Variants in ZMAT4 observed in about 807,000 individuals in gnomAD.
ZMAT4 encodes zinc finger matrin-type protein 4.
ZMAT4 carries 17 observed loss-of-function variants against 28.7 expected under a neutral mutation model. The observed-to-expected ratio is 0.59, with a 90% CI of 0.41 to 0.89. The LOEUF (loss-of-function observed/expected upper bound fraction) is 0.89. ZMAT4 is among the 40% of genes least tolerant of loss of function. ZMAT4 has a pLI of 0.00. For synonymous variants in ZMAT4, 117 were observed against 109.2 expected, an observed-to-expected ratio of 1.07 and a Z score of -0.44; for missense variants, 240 against 283.8, an observed-to-expected ratio of 0.85 and a Z score of 1.11.
intron 2 of ZMAT4, among the ~76,000 whole-genome samples, chr8:40,814,813 T>C (rs763855094): frequency 2.6e-5 from 4 of 151,330 alleles, no homozygotes; most frequent in Non-Finnish European, 5.9e-5. Context: ...AGTTTTTGAA[T>C]TGTGAATTTG....
intron 2 of ZMAT4, among the ~76,000 whole-genome samples, chr8:40,807,637 T>G (rs1452743591): frequency 6.6e-6 from 1 of 152,222 alleles, no homozygotes. Context: ...GGATTGCTTT[T>G]CTGAGCAAAC....
At chr8:40,729,793 T>C (rs1811461142) in intron 3 of ZMAT4, among the ~76,000 whole-genome samples, 1 of 152,128 alleles carries the variant, frequency 6.6e-6, no homozygotes, top group Admixed American at 6.5e-5. Flanking sequence ...GAGATGGAGT[T>C]TCACCACGTT....
chr8:40,824,749 A>G (rs907906589), intron 2 of ZMAT4, among the ~76,000 whole-genome samples: 5 of 151,244 alleles, frequency 3.3e-5, no homozygotes, highest in African/African-American at 1.2e-4. Flanking sequence ...GAAAGAAAAG[A>G]AAAAAAGAAA....
chr8:40,573,667 G>A (rs1400904450), intron 6 of ZMAT4, among the ~76,000 whole-genome samples: 1 of 152,138 alleles, frequency 6.6e-6, no homozygotes, highest in African/African-American at 2.4e-5. Context: ...CAAAGTGCTA[G>A]CTCCAATAAA....
At chr8:40,776,159 G>C (rs997704288) in intron 2 of ZMAT4, among the ~76,000 whole-genome samples, 1 of 152,130 alleles carries the variant, frequency 6.6e-6, no homozygotes, top group Non-Finnish European at 1.5e-5. Flanking sequence ...GTTCTCCTGG[G>C]GTCTTTCTTC....
chr8:40,732,990 C>T (rs1054225532), intron 3 of ZMAT4, among the ~76,000 whole-genome samples: 2 of 151,914 alleles, frequency 1.3e-5, no homozygotes, highest in East Asian at 1.9e-4. Flanking sequence ...GGTTGACAGG[C>T]ACAGGCCACC....
At chr8:40,641,656 G>C (rs2118765414) in intron 5 of ZMAT4, among the ~76,000 whole-genome samples, 1 of 152,216 alleles carries the variant, frequency 6.6e-6, no homozygotes, top group South Asian at 2.1e-4. Context: ...TCACCTCTGT[G>C]TTTCCTCTGC....
At chr8:40,704,267 C>T (rs910634203) in intron 3 of ZMAT4, among the ~76,000 whole-genome samples, 1 of 152,182 alleles carries the variant, frequency 6.6e-6, no homozygotes, top group African/African-American at 2.4e-5. Context: ...TTACTGGGAT[C>T]AGAAGGCCTG....
Position 40,881,503 on chromosome 8 carries a change from A to AAAGAAAG in ZMAT4, c.-5+16179_-5+16180insCTTTCTT, listed in dbSNP as rs1563263617. Among the ~76,000 whole-genome samples, 5 of 118,216 alleles carry AAAGAAAG rather than the reference A, an allele frequency of 4.2e-5. No homozygotes were observed. In the South Asian group the frequency reaches 1.6e-3, roughly 37 times the overall value. 77.6% of individuals were successfully genotyped at this position (118,216 alleles called of 152,430 possible). A position where few individuals can be genotyped will look rare whatever the true frequency, so the allele number is the denominator to read the frequency against. On this transcript the variant is annotated intron_variant, in intron 1 of 6. Transcript: ENST00000297737. The stretch of plus-strand genomic sequence containing the variant: ...AGAAAGAAAGAAAGAAAGAAAGAGG[A>AAAGAAAG]AGGAAGGAAGGGGAGAGAGAGAGAC...
chr8:40,537,082 C>T (rs1802871076), intron 6 of ZMAT4, among the ~76,000 whole-genome samples: 1 of 151,920 alleles, frequency 6.6e-6, no homozygotes, highest in South Asian at 2.1e-4. Flanking sequence ...TATTGGAAGC[C>T]TATGTAGTCT....
intron 2 of ZMAT4, among the ~76,000 whole-genome samples, chr8:40,775,672 T>C (rs1326076165): frequency 6.6e-6 from 1 of 152,236 alleles, no homozygotes; most frequent in Non-Finnish European, 1.5e-5. Flanking sequence ...TCCTTAGACC[T>C]GTGATCAGAT....
At chr8:40,719,180 A>G (rs1810975514) in intron 3 of ZMAT4, among the ~76,000 whole-genome samples, 1 of 152,100 alleles carries the variant, frequency 6.6e-6, no homozygotes, top group Non-Finnish European at 1.5e-5. Flanking sequence ...GATGACTCAT[A>G]CCTGTAACCC....
intron 1 of ZMAT4, among the ~76,000 whole-genome samples, chr8:40,842,449 A>G (rs1157218783): frequency 1.3e-5 from 2 of 152,120 alleles, no homozygotes; most frequent in African/African-American, 4.8e-5. Flanking sequence ...TTTCTTTTCA[A>G]TTGCTGAAAG....
chr8:40,615,126 G>C (rs1363189869), intron 5 of ZMAT4, among the ~76,000 whole-genome samples: 1 of 151,984 alleles, frequency 6.6e-6, no homozygotes, highest in Non-Finnish European at 1.5e-5. Context: ...GCCTGGTGGT[G>C]ACAAAATCTC....
intron 4 of ZMAT4, among the ~76,000 whole-genome samples, chr8:40,695,395 T>G (rs1359617536): frequency 1.3e-5 from 2 of 152,098 alleles, no homozygotes; most frequent in African/African-American, 4.8e-5. Context: ...CAGAGGGGAA[T>G]GGATGGGAGG....
chr8:40,585,451 G>A (rs774395845), intron 5 of ZMAT4, among the ~76,000 whole-genome samples: 1 of 152,010 alleles, frequency 6.6e-6, no homozygotes, highest in Non-Finnish European at 1.5e-5. Context: ...CTTTGGTTTG[G>A]GGCTTGGAAA....
chr8:40,738,313 C>T (rs189769767), intron 3 of ZMAT4, among the ~76,000 whole-genome samples: 47 of 152,242 alleles, frequency 3.1e-4, no homozygotes, highest in Non-Finnish European at 1.0e-4. Flanking sequence ...GCTGGAGACA[C>T]GCCTTGAACA....
intron 5 of ZMAT4, among the ~76,000 whole-genome samples, chr8:40,623,765 T>C (rs1484746673): frequency 1.3e-5 from 2 of 152,184 alleles, no homozygotes; most frequent in Admixed American, 6.5e-5. Flanking sequence ...AAAGGCTACA[T>C]AAGCCTAAGA....
chr8:40,842,779 TAC>T (rs1816748381), intron 1 of ZMAT4, among the ~76,000 whole-genome samples: 3 of 152,302 alleles, frequency 2.0e-5, no homozygotes, highest in South Asian at 4.1e-4. Flanking sequence ...TATTATAAAA[TAC>T]ATTTAGTTTT....
Sources: allele counts gnomAD v4.1 joint callset (sites outside exome capture counted in the v4.1 genomes callset), GRCh38; gene constraint gnomAD v4.1.1; transcripts MANE v1.5; gene names NCBI Gene and HGNC (gene_info 2026-07-23, HGNC 2026-07-21).